Variants in KIAA0825 observed in about 807,000 individuals in gnomAD.
The protein encoded by KIAA0825 is KIAA0825.
In KIAA0825, 119 loss-of-function variants were observed where a neutral mutation model predicts 147.6. The observed-to-expected ratio is 0.81, with a 90% confidence interval of 0.69 to 0.94. The LOEUF (loss-of-function observed/expected upper bound fraction) is 0.94, where lower values mean the gene tolerates loss of function less well. Ranked by LOEUF, KIAA0825 falls within the 40% of genes least tolerant of loss-of-function variation. The pLI is 0.00. For missense variants in KIAA0825, 1,381 were observed against 1,472.7 expected (o/e 0.94, Z 1.02); for synonymous variants, 470 against 518.1 (o/e 0.91, Z 1.26).
chr5:94,429,238 C>T lies in KIAA0825; in HGVS notation c.2497+10744G>A, dbSNP rs141368039. 4.8e-3 allele frequency among the ~76,000 whole-genome samples: 725 copies of T among 152,236 alleles called. 8 individuals are homozygous for T. The highest frequency in any genetic ancestry group is 6.2e-3 in the Non-Finnish European group (423 of 68,024). On this transcript the variant is annotated intron_variant, in intron 14 of 20. Transcript: ENST00000682413. ...ACCATTGCTGGAGAGCTAGTGCAAT[C>T]CTTTGGTGGTGTCACTATATTTAGA...
Position 94,462,467 on chromosome 5 carries a change from T to C in KIAA0825, c.2166A>G (p.Lys722=). 1 of 1,536,846 alleles carries C rather than the reference T, an allele frequency of 6.5e-7. No homozygotes were observed. The highest frequency in any genetic ancestry group is 8.8e-7 in the Non-Finnish European group (1 of 1,135,174). The part of the protein sequence containing the change: ...LLNPHQHTDD[K]IFKIHTHCNN... ...TACAATGAGTGTGAATTTTAAAAAT[T>C]TTATCATCTGTATGCTGATGAGGAT... Residue 722 remains lysine (K), a synonymous_variant, in exon 12 of 21, where the codon AAA becomes AAG. Coordinates refer to ENST00000682413, the MANE Select transcript of KIAA0825 (RefSeq NM_001145678.3).
At chr5:94,165,529 T>A (rs1307813137) in intron 20 of KIAA0825, among the ~76,000 whole-genome samples, 1 of 152,104 alleles carries the variant, frequency 6.6e-6, no homozygotes, top group Non-Finnish European at 1.5e-5. Flanking sequence ...GGAAAGGAAA[T>A]CAGCATATCA....
chr5:94,326,888 A>G (rs1780748908), intron 20 of KIAA0825, among the ~76,000 whole-genome samples: 1 of 152,366 alleles, frequency 6.6e-6, no homozygotes. Flanking sequence ...ATGAATCCAT[A>G]TGGTGCAAAA....
chr5:94,448,328 A>G (rs1438229791), intron 13 of KIAA0825, among the ~76,000 whole-genome samples: 7 of 151,910 alleles, frequency 4.6e-5, no homozygotes, highest in Non-Finnish European at 1.0e-4. Flanking sequence ...GGAGAATATG[A>G]AAAATTGTGC....
chr5:94,495,517 T>A (rs983497054), intron 5 of KIAA0825, among the ~76,000 whole-genome samples: 1 of 152,182 alleles, frequency 6.6e-6, no homozygotes, highest in Non-Finnish European at 1.5e-5. Context: ...CCATGTGACA[T>A]GCATCACCTG....
chr5:94,602,520 GT>G (rs1327695726), intron 1 of KIAA0825, among the ~76,000 whole-genome samples: 1 of 152,146 alleles, frequency 6.6e-6, no homozygotes, highest in Non-Finnish European at 1.5e-5. Context: ...CCAACGTGTT[GT>G]TGAGAGGAAC....
chr5:94,422,914 C>T (rs926017607), intron 14 of KIAA0825, among the ~76,000 whole-genome samples: 4 of 152,188 alleles, frequency 2.6e-5, no homozygotes, highest in African/African-American at 9.7e-5. Context: ...GTGAGTCACA[C>T]TTCTGGTCTC....
chr5:94,259,597 C>G (rs1583978646), intron 20 of KIAA0825, among the ~76,000 whole-genome samples: 1 of 151,908 alleles, frequency 6.6e-6, no homozygotes, highest in East Asian at 1.9e-4. Flanking sequence ...GTTTTAGACT[C>G]CTGAGAATGA....
At position 94,494,314 on chromosome 5, in the gene KIAA0825, CTT is replaced by C. The variant is rs530332272; in HGVS notation, c.971-9386_971-9385del. On this transcript the variant is annotated intron_variant, in intron 5 of 20. Coordinates refer to ENST00000682413, the MANE Select transcript of KIAA0825 (RefSeq NM_001145678.3). The stretch of plus-strand genomic sequence containing the variant: ...TCTTGTCCCTCTCCTATATTCAATC[CTT>C]TTTTTTTTTTTTTTTTTTTTTTGAC... Among the ~76,000 whole-genome samples the C allele has an allele frequency of 4.3e-3, 482 of 111,814 alleles. 2 individuals are homozygous for C. The highest frequency in any genetic ancestry group is 0.012 in the African/African-American group (318 of 25,594). 73.4% of individuals were successfully genotyped at this position (111,814 alleles called of 152,430 possible). A position where few individuals can be genotyped will look rare whatever the true frequency, so the allele number is the denominator to read the frequency against.
chr5:94,562,546 C>T (rs1777739639), intron 2 of KIAA0825, among the ~76,000 whole-genome samples: 1 of 152,222 alleles, frequency 6.6e-6, no homozygotes, highest in Admixed American at 6.5e-5. Flanking sequence ...TTCAAATTAT[C>T]TTCATGACAC....
rs1486210132 is a variant in KIAA0825, at chr5:94,484,750, A to C, written c.1132+19T>G. The C allele has an allele frequency of 2.1e-6, 3 of 1,422,746 alleles. No homozygotes were observed. The highest frequency in any genetic ancestry group is 2.9e-5 in the African/African-American group (2 of 69,164). 88.1% of individuals were successfully genotyped at this position (1,422,746 alleles called of 1,614,324 possible). The stretch of plus-strand genomic sequence containing the variant: ...AGAGAAATTATAGATTTACAAATTT[A>C]AACAAAAGAGGATATTACCTGAAGT... On this transcript the variant is annotated intron_variant, in intron 6 of 20. Transcript: ENST00000682413.
At position 94,419,407 on chromosome 5, in the gene KIAA0825, C is replaced by T. The variant is rs575047110; in HGVS notation, c.2498-2042G>A. On this transcript the variant is annotated intron_variant, in intron 14 of 20. Transcript: ENST00000682413. ...TCCTCATGTCCTTCCTTGTTTTAAC[C>T]TTCCCCTTCCTCCACTGTTAAAAAT... Among the ~76,000 whole-genome samples the T allele has an allele frequency of 1.3e-4, 20 of 152,144 alleles. No individual in the cohort carries two copies. In the East Asian group the frequency reaches 3.7e-3, roughly 28 times the overall value.
At chr5:94,440,924 A>G (rs901055600) in intron 13 of KIAA0825, among the ~76,000 whole-genome samples, 2 of 152,082 alleles carry the variant, frequency 1.3e-5, no homozygotes, top group South Asian at 2.1e-4. Flanking sequence ...AAGGAGAACA[A>G]CAACAAAAAA....
At chr5:94,472,902 T>G (rs186502232) in intron 8 of KIAA0825, among the ~76,000 whole-genome samples, 2 of 152,306 alleles carry the variant, frequency 1.3e-5, no homozygotes, top group Non-Finnish European at 2.9e-5. Context: ...ACTAATGAGA[T>G]GAAAAGCTCA....
chr5:94,376,334 A>G (rs1486023830), intron 20 of KIAA0825, among the ~76,000 whole-genome samples: 1 of 152,206 alleles, frequency 6.6e-6, no homozygotes, highest in Non-Finnish European at 1.5e-5. Context: ...TTGAGCTGCC[A>G]TGTAATGTCC....
rs543846984 is a variant in KIAA0825, at chr5:94,494,019, A to C, written c.971-9089T>G. Among the ~76,000 whole-genome samples, 5 of 152,230 alleles carry C rather than the reference A, an allele frequency of 3.3e-5. No individual in the cohort carries two copies. The South Asian group carries it at 1.0e-3, about 32-fold the overall frequency. ...TAAATATCCTCTTGTTTCACATACCAAGAGAAACCTAAGTGGCTAAAAAGG... is the reference window on the plus strand; with the variant it reads ...TAAATATCCTCTTGTTTCACATACCCAGAGAAACCTAAGTGGCTAAAAAGG... On this transcript the variant is annotated intron_variant, in intron 5 of 20. Coordinates refer to ENST00000682413, the MANE Select transcript of KIAA0825 (RefSeq NM_001145678.3).
chr5:94,212,474 G>A (rs1349116361), intron 20 of KIAA0825, among the ~76,000 whole-genome samples: 1 of 152,102 alleles, frequency 6.6e-6, no homozygotes, highest in Admixed American at 6.6e-5. Flanking sequence ...AAGCTAACGA[G>A]ATAGCCTGCT....
chr5:94,396,658 G>C (rs113924653), intron 16 of KIAA0825, 149 bp from the exon 17 acceptor site: 5,929 of 537,202 alleles, frequency 0.011, 53 homozygotes, highest in Middle Eastern at 0.019. Context: ...CTCTAACCGG[G>C]GTCTCTCGCA....
chr5:94,557,373 CT>C (rs1776732099), intron 2 of KIAA0825, among the ~76,000 whole-genome samples: 1 of 151,222 alleles, frequency 6.6e-6, no homozygotes, highest in Non-Finnish European at 1.5e-5. Flanking sequence ...AGGTACTGGG[CT>C]TATGGACGTG....
Sources: allele counts gnomAD v4.1 joint callset (sites outside exome capture counted in the v4.1 genomes callset), GRCh38; gene constraint gnomAD v4.1.1; transcripts MANE v1.5; gene names NCBI Gene and HGNC (gene_info 2026-07-23, HGNC 2026-07-21).